The following LONP2 variants were observed in gnomAD, a reference collection of about 807,000 sequenced individuals.
The protein encoded by LONP2 is lon peptidase 2, peroxisomal, also known as lon protease homolog 2, peroxisomal.
A neutral mutation model predicts 85.6 loss-of-function variants in LONP2; 60 were observed. The ratio of observed to expected loss-of-function variants is 0.70; its 90% CI spans 0.57 to 0.87. The LOEUF (loss-of-function observed/expected upper bound fraction) is 0.87, where lower values mean the gene tolerates loss of function less well. LONP2 is among the 40% of genes least tolerant of loss of function. The probability of loss-of-function intolerance (pLI) is 0.00; values close to 1 mark genes in which losing one functional copy is unlikely to be tolerated. For synonymous variants in LONP2, 395 were observed against 389.7 expected (o/e 1.01, Z -0.16); for missense variants, 860 against 1,063.5 (o/e 0.81, Z 2.66).
chr16:48,325,470 A>T (rs906693832), intron 11 of LONP2, among the ~76,000 whole-genome samples: 4 of 152,148 alleles, frequency 2.6e-5, no homozygotes, highest in African/African-American at 9.7e-5. Context: ...TTTCTGTAAG[A>T]TCAACTTCTT....
At position 48,331,032 on chromosome 16, in the gene LONP2, C is replaced by G. The variant is rs551379309; in HGVS notation, c.1796-3184C>G. On this transcript the variant is annotated intron_variant, in intron 11 of 14. Transcript: ENST00000285737. ...TACTTCCTCCTGTGATCGTGAAATA[C>G]AAGCTGGCAACAGTAATTAGATCTC... 5.9e-5 allele frequency among the ~76,000 whole-genome samples: 9 copies of G among 152,236 alleles called. No homozygotes were observed. The South Asian group carries it at 1.9e-3, about 32-fold the overall frequency.
Position 48,353,894 on chromosome 16 carries a change from A to ATATC in LONP2, c.*2094_*2097dup, listed in dbSNP as rs1449682503. The ATATC allele has an allele frequency of 1.3e-5, 2 of 152,054 alleles. No homozygotes were observed. The highest frequency in any genetic ancestry group is 4.8e-5 in the African/African-American group (2 of 41,390). 9.4% of individuals were successfully genotyped at this position (152,054 alleles called of 1,614,324 possible). A position where few individuals can be genotyped will look rare whatever the true frequency, so the allele number is the denominator to read the frequency against. ...CAGCAGGAGGGCACTTGCTTTAAGC[A>ATATC]TATCTTTCGAAAGGCATCCATTGAG... On this transcript the variant is annotated 3_prime_UTR_variant, in exon 15 of 15. Coordinates refer to ENST00000285737, the MANE Select transcript of LONP2 (RefSeq NM_031490.5).
Position 48,351,923 on chromosome 16 carries a change from A to G in LONP2, c.*121A>G. 1.4e-6 allele frequency: 1 copy of G among 695,934 alleles called. No individual in the cohort carries two copies. The highest frequency in any genetic ancestry group is 1.9e-5 in the South Asian group (1 of 53,576). The allele number at this position is 695,934 out of a possible 1,614,324, so 43.1% of individuals were successfully genotyped here. A position where few individuals can be genotyped will look rare whatever the true frequency, so the allele number is the denominator to read the frequency against. ...TCCCTGTTTTATAAACATAATCACA[A>G]CAGTAATAAACCTCAAGTAGTGGCT... On this transcript the variant is annotated 3_prime_UTR_variant, in exon 15 of 15. Transcript: ENST00000285737.
chr16:48,348,797 GTTTCCCATTCTAAGAT>G (rs1960053317), intron 14 of LONP2, among the ~76,000 whole-genome samples: 1 of 151,950 alleles, frequency 6.6e-6, no homozygotes, highest in Non-Finnish European at 1.5e-5. Flanking sequence ...TTCAGCCCAC[GTTTCCCATTCTAAGAT>G]TTGCTAAGGG....
At chr16:48,334,622 G>A (rs926488799) in intron 12 of LONP2, 4 of 629,456 alleles carry the variant, frequency 6.4e-6, no homozygotes, top group African/African-American at 3.6e-5. Flanking sequence ...GGAAGGCTCC[G>A]TAATGCCACC....
At chr16:48,287,566 AG>A (rs1451464478) in intron 8 of LONP2, among the ~76,000 whole-genome samples, 3 of 152,226 alleles carry the variant, frequency 2.0e-5, no homozygotes, top group East Asian at 3.9e-4. Flanking sequence ...AGAGTCAAAC[AG>A]GGACAGTTCT....
intron 12 of LONP2, chr16:48,336,617 C>G: frequency 2.9e-6 from 1 of 347,784 alleles, no homozygotes; most frequent in Non-Finnish European, 5.7e-6. Context: ...CTGGCAGGGG[C>G]GGGGGTCACA....
intron 8 of LONP2, among the ~76,000 whole-genome samples, chr16:48,289,607 A>C (rs550038640): frequency 6.6e-6 from 1 of 152,310 alleles, no homozygotes; most frequent in South Asian, 2.1e-4. Flanking sequence ...CATGGACAGC[A>C]ATGTGCTGTA....
chr16:48,313,415 A>G (rs1181927360), intron 11 of LONP2, among the ~76,000 whole-genome samples: 1 of 152,056 alleles, frequency 6.6e-6, no homozygotes, highest in African/African-American at 2.4e-5. Context: ...CTGCACAGAT[A>G]ATCCATCACC....
intron 12 of LONP2, chr16:48,344,455 A>G (rs983523686): frequency 1.3e-5 from 2 of 152,174 alleles, no homozygotes; most frequent in Admixed American, 1.3e-4. Flanking sequence ...TCAAGTCAGG[A>G]TAGTAATTGT....
At chr16:48,294,154 T>G (rs1018115192) in intron 8 of LONP2, among the ~76,000 whole-genome samples, 6 of 152,134 alleles carry the variant, frequency 3.9e-5, no homozygotes, top group Non-Finnish European at 5.9e-5. Flanking sequence ...TTGGCTAGGC[T>G]GGTCTCAAAC....
At chr16:48,326,430 C>G (rs749261390) in intron 11 of LONP2, among the ~76,000 whole-genome samples, 3 of 152,164 alleles carry the variant, frequency 2.0e-5, no homozygotes, top group Non-Finnish European at 2.9e-5. Context: ...GAAAATTTAG[C>G]TCTTGAACTC....
At position 48,348,122 on chromosome 16, in the gene LONP2, TGAC is replaced by T. The variant is rs1391429928; in HGVS notation, c.2170_2172del (p.Asp724del). On this transcript the variant is annotated inframe_deletion, in exon 14 of 15. Coordinates refer to ENST00000285737, the MANE Select transcript of LONP2 (RefSeq NM_031490.5). ...AAGCTTTTGGAAGTTTTGATCTTCTTGACAACACAGACATCCATCTGCACTTCC... is the reference window on the plus strand; with the variant it reads ...AAGCTTTTGGAAGTTTTGATCTTCTTAACACAGACATCCATCTGCACTTCC... 1 of 1,606,002 alleles carries T rather than the reference TGAC, an allele frequency of 6.2e-7. No homozygotes were observed. The highest frequency in any genetic ancestry group is 8.5e-7 in the Non-Finnish European group (1 of 1,178,194).
At chr16:48,348,531 G>C (rs946635910) in intron 14 of LONP2, among the ~76,000 whole-genome samples, 1 of 114,306 alleles carries the variant, frequency 8.7e-6, no homozygotes, top group Non-Finnish European at 1.6e-5. Context: ...GTCTCACTCT[G>C]TTGCCCAGGC....
chr16:48,325,089 C>A (rs1234942769), intron 11 of LONP2, among the ~76,000 whole-genome samples: 2 of 152,168 alleles, frequency 1.3e-5, no homozygotes, highest in Non-Finnish European at 2.9e-5. Context: ...GTGGTGGTTT[C>A]AGGATAAAAC....
At chr16:48,338,065 C>G (rs1307788762) in intron 12 of LONP2, among the ~76,000 whole-genome samples, 1 of 152,212 alleles carries the variant, frequency 6.6e-6, no homozygotes, top group African/African-American at 2.4e-5. Flanking sequence ...GCCTCAGCCT[C>G]CCAAAGTGCT....
At chr16:48,348,337 T>C in intron 14 of LONP2, 47 bp downstream of exon 14, 1 of 1,205,854 alleles carries the variant, frequency 8.3e-7, no homozygotes, top group Non-Finnish European at 1.1e-6. Context: ...ATTTAATTTT[T>C]GAAAATTAAT....
At chr16:48,253,024 A>G (rs781706855) in intron 2 of LONP2, among the ~76,000 whole-genome samples, 3 of 152,218 alleles carry the variant, frequency 2.0e-5, no homozygotes, top group Non-Finnish European at 2.9e-5. Context: ...AACTAGATCT[A>G]TGAGGATCAG....
rs1222367658 is a variant in LONP2 at position 48,353,765 on chromosome 16, A to G, written c.*1963A>G. On this transcript the variant is annotated 3_prime_UTR_variant, in exon 15 of 15. Coordinates refer to ENST00000285737, the MANE Select transcript of LONP2 (RefSeq NM_031490.5). The stretch of plus-strand genomic sequence containing the variant: ...AACCAGAGGGCGCTAATCCACACCC[A>G]CATCGCTCTGCCCTGTTCCACCCAG... 2 of 152,034 alleles carry G rather than the reference A, an allele frequency of 1.3e-5. No homozygotes were observed. The highest frequency in any genetic ancestry group is 2.9e-5 in the Non-Finnish European group (2 of 68,042). The allele number at this position is 152,034 out of a possible 1,614,324, so 9.4% of individuals were successfully genotyped here. A position where few individuals can be genotyped will look rare whatever the true frequency, so the allele number is the denominator to read the frequency against.
Sources: allele counts gnomAD v4.1 joint callset (sites outside exome capture counted in the v4.1 genomes callset), GRCh38; gene constraint gnomAD v4.1.1; transcripts MANE v1.5; gene names NCBI Gene and HGNC (gene_info 2026-07-23, HGNC 2026-07-21).